Variants in LARP4 observed in about 807,000 individuals in gnomAD.
LARP4 encodes la-related protein 4.
Under a neutral mutation model 92.9 loss-of-function variants are expected in LARP4, and 29 were observed. The observed-to-expected ratio is 0.31, with a 90% CI of 0.23 to 0.43. The LOEUF (loss-of-function observed/expected upper bound fraction) is 0.43, where lower values mean the gene tolerates loss of function less well. Among genes scored for constraint, LARP4 ranks in the 20% least tolerant of loss-of-function variants. The pLI is 1.00. For synonymous variants in LARP4, 279 were observed against 284.1 expected (o/e 0.98, Z 0.18); for missense variants, 732 against 860.0 (o/e 0.85, Z 1.86).
rs1943688452 is a variant in LARP4 at position 50,400,916 on chromosome 12, G to T, written c.-95G>T. Reference sequence around the variant, plus strand: ...GTCCACTGCCGGGTGGAGGGGCAAGGCGAGTGTGTGTCCTTATCCTAGCAA... The same window carrying T: ...GTCCACTGCCGGGTGGAGGGGCAAGTCGAGTGTGTGTCCTTATCCTAGCAA... On this transcript the variant is annotated 5_prime_UTR_variant, in exon 1 of 16. Coordinates refer to ENST00000398473, the MANE Select transcript of LARP4 (RefSeq NM_052879.5). 2 of 1,563,428 alleles carry T rather than the reference G, an allele frequency of 1.3e-6. No homozygotes were observed. The highest frequency in any genetic ancestry group is 1.8e-6 in the Non-Finnish European group (2 of 1,133,960).
At chr12:50,417,005 G>A (rs1368964781) in intron 1 of LARP4, among the ~76,000 whole-genome samples, 1 of 152,044 alleles carries the variant, frequency 6.6e-6, no homozygotes, top group Non-Finnish European at 1.5e-5. Context: ...TAGCCAGAGT[G>A]GATTTGAATA....
chr12:50,407,704 G>T (rs1342345198), intron 1 of LARP4, among the ~76,000 whole-genome samples: 1 of 152,034 alleles, frequency 6.6e-6, no homozygotes. Flanking sequence ...TATTATCTGG[G>T]CATGTGCCTG....
chr12:50,429,213 G>A (rs1390813297), intron 3 of LARP4, 123 bp downstream of exon 3: 6 of 680,232 alleles, frequency 8.8e-6, no homozygotes, highest in African/African-American at 7.5e-5. Flanking sequence ...AGAAGGTTAC[G>A]TTAATGAAAT....
chr12:50,410,158 G>A (rs958040302), intron 1 of LARP4, among the ~76,000 whole-genome samples: 4 of 151,680 alleles, frequency 2.6e-5, no homozygotes, highest in East Asian at 1.9e-4. Flanking sequence ...ATTTAAGTTC[G>A]TTTGTGTAGT....
At chr12:50,462,145 A>G (rs1955488402) in intron 11 of LARP4, among the ~76,000 whole-genome samples, 1 of 152,092 alleles carries the variant, frequency 6.6e-6, no homozygotes, top group African/African-American at 2.4e-5. Context: ...TCTTTTAGTA[A>G]TAGAGAAAAC....
chr12:50,408,212 T>G (rs926852085), intron 1 of LARP4, among the ~76,000 whole-genome samples: 1 of 147,792 alleles, frequency 6.8e-6, no homozygotes, highest in African/African-American at 2.5e-5. Flanking sequence ...TTTTTTTTTT[T>G]TCCAGCTGGA....
In LARP4 at chr12:50,442,477, T is replaced by C. The variant is rs117801735; in HGVS notation, c.804+834T>C. The stretch of plus-strand genomic sequence containing the variant: ...AGCCTCTTAACTGCTGTGTTACCAG[T>C]TTTTCCCCCCCTTAACAATCTGTTC... On this transcript the variant is annotated intron_variant, in intron 8 of 15. Coordinates refer to ENST00000398473, the MANE Select transcript of LARP4 (RefSeq NM_052879.5). Among the ~76,000 whole-genome samples, 615 of 152,236 alleles carry C rather than the reference T, an allele frequency of 4.0e-3. 16 individuals carry two copies. The East Asian group carries it at 0.067, about 17-fold the overall frequency.
chr12:50,406,151 C>A (rs1013353096), intron 1 of LARP4, among the ~76,000 whole-genome samples: 2 of 152,062 alleles, frequency 1.3e-5, no homozygotes, highest in African/African-American at 4.8e-5. Flanking sequence ...CGACCTAGGA[C>A]GCTTTAATAA....
chr12:50,447,133 C>G (rs552020126), intron 8 of LARP4, among the ~76,000 whole-genome samples: 4 of 152,182 alleles, frequency 2.6e-5, no homozygotes, highest in African/African-American at 9.6e-5. Context: ...TTGAATTGCT[C>G]CAAAATCGAA....
chr12:50,469,764 C>T (rs1956684092), intron 13 of LARP4, among the ~76,000 whole-genome samples: 1 of 151,790 alleles, frequency 6.6e-6, no homozygotes, highest in Non-Finnish European at 1.5e-5. Context: ...GAAAAATTAG[C>T]TGGGCATGGT....
intron 8 of LARP4, among the ~76,000 whole-genome samples, chr12:50,449,150 C>T (rs1255901215): frequency 2.0e-5 from 3 of 151,820 alleles, no homozygotes; most frequent in East Asian, 1.9e-4. Context: ...GGCTGAGGCC[C>T]GAGAATCATT....
chr12:50,429,854 G>A (rs1216099239), intron 3 of LARP4, among the ~76,000 whole-genome samples: 1 of 152,090 alleles, frequency 6.6e-6, no homozygotes, highest in Non-Finnish European at 1.5e-5. Flanking sequence ...GGCCAGGCTG[G>A]TCTCAAACTC....
intron 5 of LARP4, among the ~76,000 whole-genome samples, chr12:50,436,441 A>G (rs1330336072): frequency 6.6e-6 from 1 of 152,102 alleles, no homozygotes; most frequent in Non-Finnish European, 1.5e-5. Context: ...CACAACCTTT[A>G]AGACAATCTC....
At chr12:50,421,498 C>A (rs940617370) in intron 1 of LARP4, among the ~76,000 whole-genome samples, 1 of 151,632 alleles carries the variant, frequency 6.6e-6, no homozygotes, top group African/African-American at 2.4e-5. Flanking sequence ...AAAAATTAGC[C>A]GGGCATGGTG....
chr12:50,460,546 A>G (rs1593348005), intron 10 of LARP4, among the ~76,000 whole-genome samples: 1 of 152,022 alleles, frequency 6.6e-6, no homozygotes, highest in East Asian at 1.9e-4. Context: ...CTGGTGTCGA[A>G]CCCCAGATCT....
chr12:50,461,307 A>G lies in LARP4; in HGVS notation c.1294A>G (p.Thr432Ala). 6.2e-7 allele frequency: 1 copy of G among 1,614,102 alleles called. No homozygotes were observed. The highest frequency in any genetic ancestry group is 8.5e-7 in the Non-Finnish European group (1 of 1,180,028). Residue 432 changes from threonine (T) to alanine (A), a missense_variant, in exon 11 of 16, where the codon ACT becomes GCT. Transcript: ENST00000398473. ...AACTTACCTTCAGAAGGAGACTTCC[A>G]CTTTGCAGGTGGAACAGAATGGGGA... Reference protein sequence around the residue: ...EQTYLQKETSTLQVEQNGDYG... With the variant: ...EQTYLQKETSALQVEQNGDYG...
intron 4 of LARP4, among the ~76,000 whole-genome samples, chr12:50,432,860 C>CAAAAAAA (rs10660517): frequency 1.6e-5 from 2 of 124,434 alleles, no homozygotes; most frequent in Non-Finnish European, 3.2e-5. Context: ...GACTTCGTTT[C>CAAAAAAA]AAAAAAAAAA....
At chr12:50,430,755 G>A (rs1352410180) in intron 4 of LARP4, among the ~76,000 whole-genome samples, 185 bp downstream of exon 4, 1 of 151,962 alleles carries the variant, frequency 6.6e-6, no homozygotes, top group Non-Finnish European at 1.5e-5. Flanking sequence ...CCGCCTCCAG[G>A]GTTCAAGAGA....
intron 10 of LARP4, among the ~76,000 whole-genome samples, chr12:50,455,454 T>A (rs947463649): frequency 6.6e-6 from 1 of 152,264 alleles, no homozygotes; most frequent in East Asian, 1.9e-4. Flanking sequence ...TCTCGTTTGC[T>A]GTTTTGTGAG....
Sources: gnomAD v4.1 joint callset for allele counts (sites outside exome capture counted in the v4.1 genomes callset) on GRCh38, gnomAD v4.1.1 for gene constraint, MANE v1.5 for transcripts, NCBI Gene and HGNC (gene_info 2026-07-23, HGNC 2026-07-21) for gene names.